The following PTPRM variants were observed in gnomAD, a reference collection of about 807,000 sequenced individuals.
The protein encoded by PTPRM is receptor-type tyrosine-protein phosphatase mu.
A neutral mutation model predicts 186.7 loss-of-function variants in PTPRM; 47 were observed. The observed-to-expected ratio is 0.25, with a 90% confidence interval of 0.20 to 0.32. PTPRM has a LOEUF of 0.32. Among genes scored for constraint, PTPRM ranks in the 10% least tolerant of loss-of-function variants. PTPRM has a pLI of 1.00. For missense variants in PTPRM, 1,494 were observed against 1,865.0 expected, an observed-to-expected ratio of 0.80 and a Z score of 3.66; for synonymous variants, 668 against 674.9, an observed-to-expected ratio of 0.99 and a Z score of 0.16.
chr18:8,328,123 G>T (rs2095389602), intron 22 of PTPRM, among the ~76,000 whole-genome samples: 1 of 152,064 alleles, frequency 6.6e-6, no homozygotes, highest in African/African-American at 2.4e-5. Context: ...TCTGGTATAG[G>T]TTTAATAAGG....
chr18:8,214,095 A>G (rs2094044705), intron 14 of PTPRM, among the ~76,000 whole-genome samples: 1 of 152,132 alleles, frequency 6.6e-6, no homozygotes, highest in South Asian at 2.1e-4. Context: ...TATAATGGAC[A>G]TTGGAGACTC....
chr18:8,279,485 G>A (rs568880660), intron 19 of PTPRM, among the ~76,000 whole-genome samples: 13 of 152,260 alleles, frequency 8.5e-5, no homozygotes, highest in Non-Finnish European at 1.5e-4. Context: ...GTTAACAGCC[G>A]GAGTAAGCTC....
intron 1 of PTPRM, among the ~76,000 whole-genome samples, chr18:7,586,518 CAGGGCTAGAT>C (rs2143571058): frequency 1.3e-5 from 2 of 152,070 alleles, no homozygotes; most frequent in South Asian, 4.2e-4. Flanking sequence ...GGAGCAAAAC[CAGGGCTAGAT>C]ACTGCGTGAT....
intron 7 of PTPRM, among the ~76,000 whole-genome samples, chr18:7,960,693 G>A (rs1211197701): frequency 6.6e-6 from 1 of 151,934 alleles, no homozygotes; most frequent in Non-Finnish European, 1.5e-5. Context: ...AGGAGTTGGA[G>A]ATTGCAGTGA....
At chr18:7,629,187 A>G (rs925077495) in intron 1 of PTPRM, among the ~76,000 whole-genome samples, 9 of 152,358 alleles carry the variant, frequency 5.9e-5, no homozygotes, top group Admixed American at 4.6e-4. Context: ...ACTAAGATCA[A>G]TGGGTACAGG....
chr18:7,915,270 T>C (rs1374003841), intron 4 of PTPRM, among the ~76,000 whole-genome samples: 1 of 152,094 alleles, frequency 6.6e-6, no homozygotes, highest in African/African-American at 2.4e-5. Context: ...AGTTTTTAAA[T>C]CTCCTACAGG....
chr18:7,902,834 CTTTTT>C (rs34332223), intron 3 of PTPRM, among the ~76,000 whole-genome samples: 1 of 130,098 alleles, frequency 7.7e-6, no homozygotes. Context: ...TCTTCTCTGC[CTTTTT>C]TTTTTTTTTT....
chr18:8,057,543 G>T (rs1452371684), intron 7 of PTPRM, among the ~76,000 whole-genome samples: 1 of 133,578 alleles, frequency 7.5e-6, no homozygotes, highest in Non-Finnish European at 1.6e-5. Context: ...ATGCTGGTGC[G>T]CTGCACCCAC....
At chr18:8,242,933 T>C (rs776975525) in intron 14 of PTPRM, among the ~76,000 whole-genome samples, 34 of 152,218 alleles carry the variant, frequency 2.2e-4, no homozygotes, top group Non-Finnish European at 3.5e-4. Context: ...TTTTCTTTCA[T>C]AGATGCTGTT....
intron 1 of PTPRM, among the ~76,000 whole-genome samples, chr18:7,766,020 C>T (rs2041999877): frequency 6.6e-6 from 1 of 152,164 alleles, no homozygotes; most frequent in African/African-American, 2.4e-5. Flanking sequence ...TTTGATTGTC[C>T]TCCACTGGCT....
intron 19 of PTPRM, among the ~76,000 whole-genome samples, chr18:8,259,426 T>C (rs1412911040): frequency 6.6e-6 from 1 of 152,208 alleles, no homozygotes; most frequent in African/African-American, 2.4e-5. Flanking sequence ...CTGAATTTTC[T>C]TTAAACACGT....
intron 27 of PTPRM, 119 bp from the exon 28 acceptor site, chr18:8,379,048 A>C (rs3826631): frequency 1.9e-5 from 14 of 741,880 alleles, no homozygotes; most frequent in Admixed American, 6.5e-5. Flanking sequence ...TTGGGGAGGG[A>C]GGGGGAAGGG....
chr18:7,613,081 T>A (rs1316453106), intron 1 of PTPRM, among the ~76,000 whole-genome samples: 1 of 152,160 alleles, frequency 6.6e-6, no homozygotes, highest in Non-Finnish European at 1.5e-5. Context: ...TTTATCCACT[T>A]GAGGGCAGAT....
At chr18:8,147,082 A>G (rs570822297) in intron 14 of PTPRM, among the ~76,000 whole-genome samples, 64 of 152,238 alleles carry the variant, frequency 4.2e-4, no homozygotes, top group African/African-American at 1.5e-3. Context: ...GTCAGGTAGC[A>G]TGATGCCTCC....
In PTPRM at chr18:7,834,118, T is replaced by C. The variant is rs1048709259; in HGVS notation, c.197-53988T>C. Reference sequence around the variant, plus strand: ...AAGGTATGTTCCTTCTGTACTCAGATTTTTCTATGATTTTTATCATGAAGG... The same window carrying C: ...AAGGTATGTTCCTTCTGTACTCAGACTTTTCTATGATTTTTATCATGAAGG... On this transcript the variant is annotated intron_variant, in intron 2 of 32. Transcript: ENST00000580170. 3.2e-4 allele frequency among the ~76,000 whole-genome samples: 49 copies of C among 152,128 alleles called. 2 individuals carry two copies. Among genetic ancestry groups the C allele is most frequent in the Non-Finnish European group, 2.9e-5 (2 of 68,020 alleles).
intron 7 of PTPRM, among the ~76,000 whole-genome samples, chr18:8,000,843 C>T (rs561381309): frequency 2.6e-5 from 4 of 152,286 alleles, no homozygotes; most frequent in East Asian, 1.9e-4. Flanking sequence ...CAATTGCCAA[C>T]GTTTATGTGC....
At chr18:8,079,125 A>G (rs2089990623) in intron 9 of PTPRM, among the ~76,000 whole-genome samples, 1 of 152,162 alleles carries the variant, frequency 6.6e-6, no homozygotes, top group South Asian at 2.1e-4. Context: ...TCCAGGAGTT[A>G]TGGCAGTTCA....
intron 30 of PTPRM, among the ~76,000 whole-genome samples, chr18:8,386,286 T>A (rs1032194838): frequency 2.6e-5 from 4 of 152,048 alleles, no homozygotes; most frequent in Non-Finnish European, 5.9e-5. Context: ...TGAGCCTGAA[T>A]GAAATCAAAT....
intron 1 of PTPRM, among the ~76,000 whole-genome samples, chr18:7,688,563 T>C (rs2144627413): frequency 6.6e-6 from 1 of 152,272 alleles, no homozygotes; most frequent in East Asian, 1.9e-4. Context: ...CCCCAGATGA[T>C]GGCCTTCAGG....
Sources: gnomAD v4.1 joint callset for allele counts (sites outside exome capture counted in the v4.1 genomes callset) on GRCh38, gnomAD v4.1.1 for gene constraint, MANE v1.5 for transcripts, NCBI Gene and HGNC (gene_info 2026-07-23, HGNC 2026-07-21) for gene names.